PHF19: variants seen among roughly 807,000 people sequenced by gnomAD.
The protein encoded by PHF19 is PHD finger protein 19, also known as polycomb like 3.
A neutral mutation model predicts 79.8 loss-of-function variants in PHF19; 21 were observed. The ratio of observed to expected loss-of-function variants is 0.26; its 90% CI spans 0.19 to 0.38. The LOEUF (loss-of-function observed/expected upper bound fraction) is 0.38. PHF19 is among the 10% of genes least tolerant of loss of function. The pLI is 1.00. For missense variants in PHF19, 445 were observed against 744.2 expected (o/e 0.60, Z 4.68); for synonymous variants, 273 against 296.3 (o/e 0.92, Z 0.81).
chr9:120,894,668 T>C, intron 1 of PHF19: 1 of 353,774 alleles, frequency 2.8e-6, no homozygotes, highest in African/African-American at 2.2e-5. Context: ...GCCCCGCGCG[T>C]TTGGAATGCG....
At chr9:120,885,579 GAA>G (rs368105816) in intron 1 of PHF19, among the ~76,000 whole-genome samples, 5 of 141,570 alleles carry the variant, frequency 3.5e-5, no homozygotes, top group African/African-American at 7.8e-5. Flanking sequence ...CTCTATCTTG[GAA>G]AAAAAAAAAA....
chr9:120,858,811 T>TCA (rs56042039), intron 14 of PHF19, among the ~76,000 whole-genome samples: 35,979 of 122,436 alleles, frequency 0.29, 5,073 homozygotes, highest in South Asian at 0.44. Context: ...CTGACAGACA[T>TCA]CACACACACA....
chr9:120,877,434 C>A, upstream of PHF19: 1 of 733,224 alleles, frequency 1.4e-6, no homozygotes, highest in South Asian at 6.0e-5. Context: ...GCCGCCAGCC[C>A]CCGCCCGCCC....
chr9:120,874,512 G>T lies in PHF19; in HGVS notation c.186+44C>A. The T allele has an allele frequency of 7.8e-7, 1 of 1,285,826 alleles. No individual in the cohort carries two copies. Among genetic ancestry groups the T allele is most frequent in the Non-Finnish European group, 1.1e-6 (1 of 890,440 alleles). 79.7% of individuals were successfully genotyped at this position (1,285,826 alleles called of 1,614,324 possible). ...ACAGCCAGGCTGGAACATGAGCAGA[G>T]AGATTCTGAGTCTGAGAACAGGGGC... is the stretch of plus-strand genomic sequence containing the variant. On this transcript the variant is annotated intron_variant, in intron 2 of 14. Coordinates refer to ENST00000373896, the MANE Select transcript of PHF19 (RefSeq NM_015651.3). This position sits in a 1 kb window ranked among gnomAD's most constrained non-coding sequence, Gnocchi z 4.5.
chr9:120,900,477 C>A, the PHF19 span, among the ~76,000 whole-genome samples: 1 of 152,196 alleles, frequency 6.6e-6, no homozygotes, highest in African/African-American at 2.4e-5. Context: ...GAAAATCAAC[C>A]AAAATGTTCC....
chr9:120,861,463 G>A (rs943200160), intron 12 of PHF19, among the ~76,000 whole-genome samples: 1 of 152,248 alleles, frequency 6.6e-6, no homozygotes, highest in African/African-American at 2.4e-5. Context: ...ATGTCAGGAA[G>A]TGCAGTAAAA....
chr9:120,865,664 C>G, intron 9 of PHF19, 46 bp downstream of exon 9: 1 of 1,612,160 alleles, frequency 6.2e-7, no homozygotes, highest in Non-Finnish European at 8.5e-7. Context: ...TGGCCCTGGG[C>G]AAACCTCTCT....
In PHF19 at chr9:120,869,993, C is replaced by T. The variant is rs1257135004; in HGVS notation, c.365-48G>A. On this transcript the variant is annotated intron_variant, in intron 4 of 14. Transcript: ENST00000373896. The surrounding 1 kb of genome is among the most constrained non-coding windows in gnomAD (Gnocchi z 5.8). Reference sequence around the variant, plus strand: ...GAGCGCCCACAAGGACATCGTGGCCCAAGGCCAGTTGGCCCAAAGGAGGCA... The same window carrying T: ...GAGCGCCCACAAGGACATCGTGGCCTAAGGCCAGTTGGCCCAAAGGAGGCA... 3 of 1,540,420 alleles carry T rather than the reference C, an allele frequency of 1.9e-6. No homozygotes were observed. The highest frequency in any genetic ancestry group is 2.6e-6 in the Non-Finnish European group (3 of 1,141,694).
At chr9:120,877,544 C>G (rs562645437), upstream of PHF19, among the ~76,000 whole-genome samples, 88 of 152,056 alleles carry the variant, frequency 5.8e-4, no homozygotes, top group South Asian at 0.017. Flanking sequence ...AGACGCCAGG[C>G]AGCGCTCATG....
chr9:120,892,602 G>T (rs2046356834), intron 1 of PHF19, among the ~76,000 whole-genome samples: 1 of 152,146 alleles, frequency 6.6e-6, no homozygotes, highest in Non-Finnish European at 1.5e-5. Flanking sequence ...GCAATTTGTG[G>T]CCTGTCCCCA....
Position 120,869,709 on chromosome 9 carries a change from T to C in PHF19, c.465+136A>G, listed in dbSNP as rs745687857. 6.4e-7 allele frequency: 1 copy of C among 1,555,864 alleles called. No homozygotes were observed. Among genetic ancestry groups the C allele is most frequent in the South Asian group, 1.2e-5 (1 of 84,388 alleles). On this transcript the variant is annotated intron_variant, in intron 5 of 14. Transcript: ENST00000373896. This position sits in a 1 kb window ranked among gnomAD's most constrained non-coding sequence, Gnocchi z 5.8. Reference sequence around the variant, plus strand: ...GTCTACAAATCCTGGCCAAGGACAGTGGCAGAGGCGCTATCTGTCTCCAAA... The same window carrying C: ...GTCTACAAATCCTGGCCAAGGACAGCGGCAGAGGCGCTATCTGTCTCCAAA...
rs745942291 is a variant in PHF19, at chr9:120,891,395, C to T, written c.42+3393G>A. Among the ~76,000 whole-genome samples, 15 of 152,120 alleles carry T rather than the reference C, an allele frequency of 9.9e-5. No individual in the cohort carries two copies. Among genetic ancestry groups the T allele is most frequent in the African/African-American group, 2.9e-4 (12 of 41,400 alleles). ...CTCAATCTTAAGCCCGCACACCTGC[C>T]GTACTTTGGGATCACCCCGGGAACC... is the stretch of plus-strand genomic sequence containing the variant. On this transcript the variant is annotated intron_variant, in intron 1 of 14. Coordinates refer to the PHF19 transcript ENST00000616568. This position sits in a 1 kb window ranked among gnomAD's most constrained non-coding sequence, Gnocchi z 4.3.
Position 120,866,765 on chromosome 9 carries a change from C to G in PHF19, c.710+105G>C, listed in dbSNP as rs887610923. The G allele has an allele frequency of 3.1e-5, 22 of 708,234 alleles. No individual in the cohort carries two copies. The highest frequency in any genetic ancestry group is 2.4e-4 in the African/African-American group (14 of 57,610). The allele number at this position is 708,234 out of a possible 1,614,324, so 43.9% of individuals were successfully genotyped here. ...CAGGTAGGCATACATTGTCACAGAC[C>G]TCCTCTTGTCTGGAGCCTGGCAGTC... is the stretch of plus-strand genomic sequence containing the variant. On this transcript the variant is annotated intron_variant, in intron 7 of 14. Transcript: ENST00000373896. The surrounding 1 kb of genome is among the most constrained non-coding windows in gnomAD (Gnocchi z 5.2).
chr9:120,890,331 T>A (rs2046325720), intron 1 of PHF19, among the ~76,000 whole-genome samples: 1 of 150,144 alleles, frequency 6.7e-6, no homozygotes, highest in African/African-American at 2.5e-5. Flanking sequence ...TTTTAATATG[T>A]GAAACCTGGC....
Position 120,860,235 on chromosome 9 carries a change from C to G in PHF19, c.1305-50G>C. ...TGCTGGTGGCCCGGCCCAGCAAGTT[C>G]CTGCCAACCTGGCCCGCAGGTTCCC... On this transcript the variant is annotated intron_variant, in intron 13 of 14. Coordinates refer to ENST00000373896, the MANE Select transcript of PHF19 (RefSeq NM_015651.3). The surrounding 1 kb of genome is among the most constrained non-coding windows in gnomAD (Gnocchi z 4.1). 1 of 1,012,984 alleles carries G rather than the reference C, an allele frequency of 9.9e-7. No homozygotes were observed. The highest frequency in any genetic ancestry group is 2.6e-5 in the East Asian group (1 of 38,840). 62.7% of individuals were successfully genotyped at this position (1,012,984 alleles called of 1,614,324 possible). A position where few individuals can be genotyped will look rare whatever the true frequency, so the allele number is the denominator to read the frequency against.
intron 1 of PHF19, among the ~76,000 whole-genome samples, chr9:120,883,626 G>A (rs1347459414): frequency 6.6e-6 from 1 of 152,122 alleles, no homozygotes; most frequent in Non-Finnish European, 1.5e-5. Context: ...TGGGCATGGT[G>A]GCATGCACCT....
At chr9:120,867,371 C>T (rs1473228177) in intron 6 of PHF19, among the ~76,000 whole-genome samples, 1 of 152,230 alleles carries the variant, frequency 6.6e-6, no homozygotes, top group Non-Finnish European at 1.5e-5. Flanking sequence ...GGAGACTTCA[C>T]GGGAGAATAA....
chr9:120,871,677 C>T (rs1003859396), intron 3 of PHF19, among the ~76,000 whole-genome samples: 1 of 152,094 alleles, frequency 6.6e-6, no homozygotes, highest in Non-Finnish European at 1.5e-5. Flanking sequence ...TGTATGTATA[C>T]ATTAAACACA....
intron 3 of PHF19, among the ~76,000 whole-genome samples, chr9:120,873,209 G>T (rs1435961019): frequency 3.8e-4 from 58 of 152,318 alleles, no homozygotes; most frequent in Admixed American, 3.8e-3. Flanking sequence ...ATGGCAAACA[G>T]GTTTCTCCTC....
Sources: allele counts gnomAD v4.1 joint callset (sites outside exome capture counted in the v4.1 genomes callset), GRCh38; gene constraint gnomAD v4.1.1; non-coding constraint Gnocchi (gnomAD v3.1); transcripts MANE v1.5; gene names NCBI Gene and HGNC (gene_info 2026-07-23, HGNC 2026-07-21).